Variants in LRRK2 observed in about 807,000 individuals in gnomAD.
The protein encoded by LRRK2 is leucine rich repeat kinase 2.
In LRRK2, 203 loss-of-function variants were observed where a neutral mutation model predicts 302.6. The ratio of observed to expected loss-of-function variants is 0.67; its 90% CI spans 0.60 to 0.75. LRRK2 has a LOEUF of 0.75. Ranked by LOEUF, LRRK2 falls within the 30% of genes least tolerant of loss-of-function variation. LRRK2 has a pLI of 0.00. For missense variants in LRRK2, 2,830 were observed against 2,951.0 expected, an observed-to-expected ratio of 0.96 and a Z score of 0.95; for synonymous variants, 1,066 against 1,031.9, an observed-to-expected ratio of 1.03 and a Z score of -0.63.
intron 7 of LRRK2, among the ~76,000 whole-genome samples, chr12:40,248,091 G>A (rs530476595): frequency 8.4e-4 from 128 of 152,076 alleles, no homozygotes; most frequent in African/African-American, 3.0e-3. Flanking sequence ...TGTACAAAGT[G>A]GCTGATATCT....
chr12:40,281,984 T>C (rs1016548621), intron 18 of LRRK2, among the ~76,000 whole-genome samples: 2 of 151,158 alleles, frequency 1.3e-5, no homozygotes, highest in African/African-American at 4.9e-5. Flanking sequence ...AGAGAAGGCA[T>C]TTGTGAGTTT....
At chr12:40,365,635 G>A (rs1049960916) in intron 49 of LRRK2, 1 of 149,270 alleles carries the variant, frequency 6.7e-6, no homozygotes, top group African/African-American at 2.5e-5. Context: ...ATAATAATTT[G>A]TTTTAGAAAA....
At chr12:40,339,207 A>G (rs1196373476) in intron 40 of LRRK2, among the ~76,000 whole-genome samples, 1 of 152,202 alleles carries the variant, frequency 6.6e-6, no homozygotes, top group Non-Finnish European at 1.5e-5. Flanking sequence ...TGTGAGCCAA[A>G]ACCAACAGTC....
At chr12:40,357,674 A>C (rs1418761480) in intron 46 of LRRK2, among the ~76,000 whole-genome samples, 1 of 151,892 alleles carries the variant, frequency 6.6e-6, no homozygotes, top group African/African-American at 2.4e-5. Context: ...TTTCATTTGC[A>C]TTTTTACTGA....
intron 44 of LRRK2, among the ~76,000 whole-genome samples, chr12:40,352,488 A>ATTTTTTTTT (rs1565773942): frequency 5.0e-5 from 1 of 19,928 alleles, no homozygotes; most frequent in Admixed American, 4.0e-4. Flanking sequence ...TTAATTGATC[A>ATTTTTTTTT]TTCTTGGGTG....
intron 7 of LRRK2, among the ~76,000 whole-genome samples, chr12:40,247,661 TACAA>T: frequency 1.2e-5 from 1 of 83,546 alleles, no homozygotes; most frequent in African/African-American, 3.7e-5. Flanking sequence ...TATATAAATA[TACAA>T]ATATAAATAT....
intron 36 of LRRK2, 50 bp downstream of exon 36, chr12:40,322,231 A>G (rs1330800925): frequency 5.7e-6 from 9 of 1,577,382 alleles, no homozygotes; most frequent in African/African-American, 1.4e-5. Flanking sequence ...AAGAAATTTA[A>G]ACTTAAAAAA....
chr12:40,268,367 T>A lies in LRRK2; in HGVS notation c.1656+4466T>A, dbSNP rs1434667213. Among the ~76,000 whole-genome samples the A allele has an allele frequency of 5.3e-5, 8 of 152,286 alleles. No individual in the cohort carries two copies. In the East Asian group the frequency reaches 1.5e-3, roughly 29 times the overall value. On this transcript the variant is annotated intron_variant, in intron 14 of 50. Coordinates refer to ENST00000298910, the MANE Select transcript of LRRK2 (RefSeq NM_198578.4). ...AAGCAAAATATACCAAGCTTAAATA[T>A]TGAATGTATTGATTTCAGTAGTCAA...
In LRRK2 at chr12:40,323,319, GT is replaced by G; in HGVS notation, c.5656+15del. ...GAGTTTCTCCTAGGTAATTCTTTTT[GT>G]TAATTTGAGAATAAAAATTAGGATG... On this transcript the variant is annotated intron_variant, in intron 38 of 50. Coordinates refer to ENST00000298910, the MANE Select transcript of LRRK2 (RefSeq NM_198578.4). The G allele has an allele frequency of 6.3e-7, 1 of 1,599,414 alleles. No homozygotes were observed. Among genetic ancestry groups the G allele is most frequent in the South Asian group, 1.1e-5 (1 of 88,518 alleles).
Position 40,225,505 on chromosome 12 carries a change from G to A in LRRK2, c.152-50G>A, listed in dbSNP as rs199610083. The A allele has an allele frequency of 5.1e-5, 75 of 1,480,852 alleles. No homozygotes were observed. The East Asian group carries it at 1.7e-3, about 33-fold the overall frequency. 91.7% of individuals were successfully genotyped at this position (1,480,852 alleles called of 1,614,324 possible). On this transcript the variant is annotated intron_variant, in intron 1 of 50. Coordinates refer to ENST00000298910, the MANE Select transcript of LRRK2 (RefSeq NM_198578.4). Reference sequence around the variant, plus strand: ...CGTTTCAGACTAAAAAGGAGAGGGGGTGCTGTGGATTGTGACTTTGCTTCT... The same window carrying A: ...CGTTTCAGACTAAAAAGGAGAGGGGATGCTGTGGATTGTGACTTTGCTTCT...
In LRRK2 at chr12:40,284,065, G is replaced by A. The variant is rs1260591746; in HGVS notation, c.2432G>A (p.Gly811Glu). ...NSICLGGFCIGKVEPSWLGPL... is the reference protein window; with the variant it reads ...NSICLGGFCIEKVEPSWLGPL... ...ATTTGCCTTGGAGGATTTTGTATAG[G>A]AAAAGTTGAACCTTCTTGGCTTGGT... The change falls in exon 19 of 51, where the codon GGA becomes GAA. Residue 811 changes from glycine (G) to glutamate (E), a missense_variant. Physicochemically the swap from Gly to Glu is moderately conservative, Grantham distance 98. Around this residue, in one of 3 missense-constraint regions of LRRK2, gnomAD observed 2,121 missense variants for 2,148.0 expected, o/e 0.99. Coordinates refer to ENST00000298910, the MANE Select transcript of LRRK2 (RefSeq NM_198578.4). 1 of 1,613,520 alleles carries A rather than the reference G, an allele frequency of 6.2e-7. No individual in the cohort carries two copies. Among genetic ancestry groups the A allele is most frequent in the South Asian group, 1.1e-5 (1 of 91,036 alleles).
rs767810015 is a variant in LRRK2 at position 40,295,564 on chromosome 12, A to G, written c.3016A>G (p.Ile1006Val). ...TGATGCCCTAAGCCAGAAATGCTGT[A>G]TAAGTGTTCATTTGGAGCATCTTGA... ...DIDALSQKCC[I>V]SVHLEHLEKL... The change falls in exon 23 of 51, where the codon ATA becomes GTA. Residue 1006 changes from isoleucine (I) to valine (V), a missense_variant. Around this residue, in one of 3 missense-constraint regions of LRRK2, gnomAD observed 2,121 missense variants for 2,148.0 expected, o/e 0.99. Transcript: ENST00000298910. 5.0e-6 allele frequency: 8 copies of G among 1,613,954 alleles called. No homozygotes were observed. The highest frequency in any genetic ancestry group is 2.2e-5 in the East Asian group (1 of 44,886).
intron 43 of LRRK2, among the ~76,000 whole-genome samples, chr12:40,349,370 G>A (rs761079047): frequency 5.9e-5 from 9 of 151,892 alleles, no homozygotes; most frequent in Admixed American, 2.0e-4. Context: ...CCAGTCTTAG[G>A]CTTAGCTTTT....
intron 5 of LRRK2, 55 bp from the exon 6 acceptor site, chr12:40,240,428 T>A: frequency 6.6e-7 from 1 of 1,516,254 alleles, no homozygotes; most frequent in South Asian, 1.1e-5. Context: ...TTTTGAATAA[T>A]TAAACTTTCA....
intron 6 of LRRK2, among the ~76,000 whole-genome samples, chr12:40,242,942 T>C (rs1333192694): frequency 6.7e-6 from 1 of 150,278 alleles, no homozygotes; most frequent in African/African-American, 2.4e-5. Context: ...ATATGGGAGA[T>C]AAAACTTTAA....
At chr12:40,312,547 C>G (rs1945068934) in intron 31 of LRRK2, among the ~76,000 whole-genome samples, 1 of 152,172 alleles carries the variant, frequency 6.6e-6, no homozygotes, top group East Asian at 1.9e-4. Context: ...CTTCTCTAAT[C>G]TTTTTCTGTC....
chr12:40,248,694 C>A (rs1169215422), intron 7 of LRRK2, among the ~76,000 whole-genome samples: 4 of 152,106 alleles, frequency 2.6e-5, no homozygotes, highest in Non-Finnish European at 5.9e-5. Flanking sequence ...TAATTTGCTA[C>A]GTATTTTCAC....
rs551198032 is a variant in LRRK2, at chr12:40,352,464, A to G, written c.6576+731A>G. On this transcript the variant is annotated intron_variant, in intron 44 of 50. Transcript: ENST00000298910. ...GCCTCAACATTAGTTCTGAGGTTAA[A>G]CAATCTTTTTTTTTTAATTGATCAT... is the stretch of plus-strand genomic sequence containing the variant. Among the ~76,000 whole-genome samples, 244 of 38,512 alleles carry G rather than the reference A, an allele frequency of 6.3e-3. 8 individuals are homozygous for G. The highest frequency in any genetic ancestry group is 0.019 in the Middle Eastern group (1 of 52). 25.3% of individuals were successfully genotyped at this position (38,512 alleles called of 152,430 possible).
At chr12:40,358,220 A>G (rs115139804) in intron 46 of LRRK2, among the ~76,000 whole-genome samples, 1,780 of 152,172 alleles carry the variant, frequency 0.012, 38 homozygotes, top group African/African-American at 0.041. Context: ...GCTGTGCAGA[A>G]GCTTTTTAGT....
Sources: gnomAD v4.1 joint callset for allele counts (sites outside exome capture counted in the v4.1 genomes callset) on GRCh38, gnomAD v4.1.1 for gene constraint, gnomAD v4.1.1 regional missense constraint, MANE v1.5 for transcripts, NCBI Gene and HGNC (gene_info 2026-07-23, HGNC 2026-07-21) for gene names.